RNASE3: variants seen among roughly 807,000 people sequenced by gnomAD.
RNASE3 encodes the protein eosinophil cationic protein.
For synonymous variants in RNASE3, 66 were observed against 72.0 expected, an observed-to-expected ratio of 0.92 and a Z score of 0.42; for missense variants, 192 against 205.3, an observed-to-expected ratio of 0.94 and a Z score of 0.40.
At chr14:20,891,476 G>A (rs937336549) in intron 1 of RNASE3, 25 bp downstream of exon 1, 41 of 628,818 alleles carry the variant, frequency 6.5e-5, no homozygotes, top group Middle Eastern at 4.4e-4. Flanking sequence ...CCCAGAGCTG[G>A]GACAGGAGGG....
At position 20,891,956 on chromosome 14, in the gene RNASE3, TCATAA is replaced by T; in HGVS notation, c.273_277del (p.His91GlnfsTer10). On this transcript the variant is annotated frameshift_variant, in exon 2 of 2. Coordinates refer to ENST00000304639, the MANE Select transcript of RNASE3 (RefSeq NM_002935.3). LOFTEE classifies it low-confidence loss of function (END_TRUNC). ...GTGGTAACCAAAGTATACGCTGCCC[TCATAA>T]CAGAACTCTCAACAATTGTCATCGG... The T allele has an allele frequency of 1.9e-6, 3 of 1,613,050 alleles. No individual in the cohort carries two copies. The highest frequency in any genetic ancestry group is 1.1e-5 in the South Asian group (1 of 91,066).
Position 20,891,827 on chromosome 14 carries a change from C to G in RNASE3, c.141C>G (p.Pro47=). ...CCATCCAGCACATCAGTCTGAACCC[C>G]CCTCGATGCACCATTGCAATGCGGG... The part of the protein sequence containing the change: ...WFAIQHISLN[P]PRCTIAMRAI... Residue 47 remains proline, a synonymous_variant, in exon 2 of 2, where the codon CCC becomes CCG. Transcript: ENST00000304639. 6.2e-7 allele frequency: 1 copy of G among 1,612,860 alleles called. No homozygotes were observed.
In RNASE3 at chr14:20,892,257, T is replaced by A. The variant is rs758007074; in HGVS notation, c.*88T>A. On this transcript the variant is annotated 3_prime_UTR_variant, in exon 2 of 2. Transcript: ENST00000304639. Reference sequence around the variant, plus strand: ...CCCATCCCTCCATGTACTCTGGGTATCAGCAACTGTCCTCATCAGTCTCCA... The same window carrying A: ...CCCATCCCTCCATGTACTCTGGGTAACAGCAACTGTCCTCATCAGTCTCCA... 3 of 1,516,988 alleles carry A rather than the reference T, an allele frequency of 2.0e-6. No homozygotes were observed. Among genetic ancestry groups the A allele is most frequent in the Non-Finnish European group, 2.7e-6 (3 of 1,127,838 alleles). 94.0% of individuals were successfully genotyped at this position (1,516,988 alleles called of 1,614,324 possible).
rs1179677470 is a variant in RNASE3, at chr14:20,891,901, G to A, written c.215G>A (p.Arg72His). 8.7e-6 allele frequency: 14 copies of A among 1,612,740 alleles called. No individual in the cohort carries two copies. Among genetic ancestry groups the A allele is most frequent in the South Asian group, 3.3e-5 (3 of 91,058 alleles). Residue 72 changes from arginine to histidine, a missense_variant, in exon 2 of 2, where the codon CGT (arginine) becomes CAT (histidine). Arg to His is a conservative substitution (Grantham distance 29). Coordinates refer to ENST00000304639, the MANE Select transcript of RNASE3 (RefSeq NM_002935.3). ...TGCAAAAACCAAAATACTTTTCTTC[G>A]TACAACTTTTGCTAATGTAGTTAAT... ...WRCKNQNTFL[R>H]TTFANVVNVC...
Position 20,892,067 on chromosome 14 carries a change from C to G in RNASE3, c.381C>G (p.Asp127Glu), listed in dbSNP as rs780969165. Residue 127 changes from aspartate to glutamate, a missense_variant, in exon 2 of 2, where the codon GAC (aspartate) becomes GAG (glutamate). Coordinates refer to ENST00000304639, the MANE Select transcript of RNASE3 (RefSeq NM_002935.3). ...AQNISNCTYA[D>E]RPGRRFYVVA... ...ATATTTCAAACTGCACGTATGCAGACAGACCAGGAAGGAGGTTCTATGTAG... is the reference window on the plus strand; with the variant it reads ...ATATTTCAAACTGCACGTATGCAGAGAGACCAGGAAGGAGGTTCTATGTAG... 1.9e-6 allele frequency: 3 copies of G among 1,612,620 alleles called. No homozygotes were observed. In the South Asian group the frequency reaches 3.3e-5, roughly 18 times the overall value.
In RNASE3 at chr14:20,891,785, G is replaced by A. The variant is rs759859690; in HGVS notation, c.99G>A (p.Thr33=). ...GSLHARPPQF[T]RAQWFAIQHI... ...TCCATGCCAGACCCCCACAGTTTAC[G>A]AGGGCTCAGTGGTTTGCCATCCAGC... The change falls in exon 2 of 2, where the codon ACG becomes ACA. Residue 33 remains threonine (T), a synonymous_variant. Transcript: ENST00000304639. The A allele has an allele frequency of 5.6e-6, 9 of 1,612,818 alleles. No homozygotes were observed. Among genetic ancestry groups the A allele is most frequent in the Non-Finnish European group, 7.6e-6 (9 of 1,180,022 alleles).
At position 20,892,248 on chromosome 14, in the gene RNASE3, C is replaced by T; in HGVS notation, c.*79C>T. On this transcript the variant is annotated 3_prime_UTR_variant, in exon 2 of 2. Transcript: ENST00000304639. ...AGCCAAGATCCCATCCCTCCATGTA[C>T]TCTGGGTATCAGCAACTGTCCTCAT... 1 of 1,534,456 alleles carries T rather than the reference C, an allele frequency of 6.5e-7. No individual in the cohort carries two copies. Among genetic ancestry groups the T allele is most frequent in the South Asian group, 1.3e-5 (1 of 77,512 alleles).
rs1329914370 is a variant in RNASE3, at chr14:20,891,403, G to C, written c.-54G>C. On this transcript the variant is annotated 5_prime_UTR_variant, in exon 1 of 2. Coordinates refer to ENST00000304639, the MANE Select transcript of RNASE3 (RefSeq NM_002935.3). Reference sequence around the variant, plus strand: ...GGAGACCAGCTGCCCCTGAACCCCAGAACAACCAGCTGGATCAGTTCTCAC... The same window carrying C: ...GGAGACCAGCTGCCCCTGAACCCCACAACAACCAGCTGGATCAGTTCTCAC... 1 of 464,728 alleles carries C rather than the reference G, an allele frequency of 2.2e-6. No individual in the cohort carries two copies. Among genetic ancestry groups the C allele is most frequent in the Admixed American group, 3.9e-5 (1 of 25,444 alleles). 28.8% of individuals were successfully genotyped at this position (464,728 alleles called of 1,614,324 possible).
chr14:20,891,739 T>G lies in RNASE3; in HGVS notation c.53T>G (p.Leu18Arg). The G allele has an allele frequency of 6.2e-7, 1 of 1,612,618 alleles. No individual in the cohort carries two copies. Among genetic ancestry groups the G allele is most frequent in the South Asian group, 1.1e-5 (1 of 91,044 alleles). Residue 18 changes from leucine (L) to arginine (R), a missense_variant, in exon 2 of 2, where the codon CTT becomes CGT. Coordinates refer to ENST00000304639, the MANE Select transcript of RNASE3 (RefSeq NM_002935.3). ...SQICLLLLLG[L>R]MGVEGSLHAR... ...ATTTGTCTGCTTCTTCTGTTGGGGC[T>G]TATGGGTGTGGAGGGCTCACTCCAT...
Position 20,891,750 on chromosome 14 carries a change from G to A in RNASE3, c.64G>A (p.Glu22Lys), listed in dbSNP as rs747737990. ...TCTTCTGTTGGGGCTTATGGGTGTG[G>A]AGGGCTCACTCCATGCCAGACCCCC... is the stretch of plus-strand genomic sequence containing the variant. ...LLLLLGLMGVEGSLHARPPQF... is the reference protein window; with the variant it reads ...LLLLLGLMGVKGSLHARPPQF... The change falls in exon 2 of 2, where the codon GAG becomes AAG. Residue 22 changes from glutamate (E) to lysine (K), a missense_variant. Transcript: ENST00000304639. 2.6e-5 allele frequency: 42 copies of A among 1,612,492 alleles called. No individual in the cohort carries two copies. In the South Asian group the frequency reaches 3.6e-4, roughly 14 times the overall value.
Position 20,892,162 on chromosome 14 carries a change from C to A in RNASE3, c.476C>A (p.Thr159Asn), listed in dbSNP as rs1414055301. 4 of 1,608,378 alleles carry A rather than the reference C, an allele frequency of 2.5e-6. No individual in the cohort carries two copies. Among genetic ancestry groups the A allele is most frequent in the Non-Finnish European group, 3.4e-6 (4 of 1,177,940 alleles). ...GTGGTTCCAGTTCACCTGGATACCA[C>A]CATCTAAGCTCCTGTATCAGCAGTC... ...YPVVPVHLDT[T>N]I Residue 159 changes from threonine to asparagine, a missense_variant, in exon 2 of 2, where the codon ACC becomes AAC. By Grantham distance (65) the Thr-to-Asn change is moderately conservative (BLOSUM62 0). Coordinates refer to ENST00000304639, the MANE Select transcript of RNASE3 (RefSeq NM_002935.3).
Position 20,891,717 on chromosome 14 carries a change from T to C in RNASE3, c.31T>C (p.Cys11Arg). 6.2e-7 allele frequency: 1 copy of C among 1,611,342 alleles called. No homozygotes were observed. Among genetic ancestry groups the C allele is most frequent in the Non-Finnish European group, 8.5e-7 (1 of 1,179,756 alleles). The change falls in exon 2 of 2, where the codon TGT becomes CGT. Residue 11 changes from cysteine to arginine, a missense_variant. Coordinates refer to ENST00000304639, the MANE Select transcript of RNASE3 (RefSeq NM_002935.3). ...TCCAAAACTGTTCACTTCCCAAATT[T>C]GTCTGCTTCTTCTGTTGGGGCTTAT... MVPKLFTSQICLLLLLGLMGV... is the reference protein window; with the variant it reads MVPKLFTSQIRLLLLLGLMGV...
rs771020920 is a variant in RNASE3, at chr14:20,892,082, G to A, written c.396G>A (p.Arg132=). The A allele has an allele frequency of 1.2e-6, 2 of 1,612,518 alleles. No individual in the cohort carries two copies. Among genetic ancestry groups the A allele is most frequent in the Non-Finnish European group, 1.7e-6 (2 of 1,179,994 alleles). ...CGTATGCAGACAGACCAGGAAGGAGGTTCTATGTAGTTGCATGTGACAACA... is the reference window on the plus strand; with the variant it reads ...CGTATGCAGACAGACCAGGAAGGAGATTCTATGTAGTTGCATGTGACAACA... The part of the protein sequence containing the change: ...NCTYADRPGR[R]FYVVACDNRD... Residue 132 remains arginine (R), a synonymous_variant, in exon 2 of 2, where the codon AGG becomes AGA. Transcript: ENST00000304639.
chr14:20,891,662 C>T lies in RNASE3; in HGVS notation c.-5-20C>T, dbSNP rs1489748120. On this transcript the variant is annotated intron_variant, in intron 1 of 1. Transcript: ENST00000304639. ...CCGAGACCGGATCGGGGAGTAGTTA[C>T]TTCTCTTCTTTTCTTACAGGAAACA... The T allele has an allele frequency of 6.3e-7, 1 of 1,598,262 alleles. No homozygotes were observed. Among genetic ancestry groups the T allele is most frequent in the East Asian group, 2.2e-5 (1 of 44,788 alleles).
Position 20,891,862 on chromosome 14 carries a change from A to G in RNASE3, c.176A>G (p.Asn59Ser). 1.2e-6 allele frequency: 2 copies of G among 1,612,916 alleles called. No individual in the cohort carries two copies. Among genetic ancestry groups the G allele is most frequent in the Middle Eastern group, 3.3e-4 (2 of 6,058 alleles). The change falls in exon 2 of 2, where the codon AAT (asparagine) becomes AGT (serine). Residue 59 changes from asparagine (N) to serine (S), a missense_variant. By Grantham distance (46) the Asn-to-Ser change is conservative (BLOSUM62 1). Coordinates refer to ENST00000304639, the MANE Select transcript of RNASE3 (RefSeq NM_002935.3). ...ACCATTGCAATGCGGGCAATTAACA[A>G]TTATCGATGGCGTTGCAAAAACCAA... ...RCTIAMRAIN[N>S]YRWRCKNQNT...
chr14:20,891,478 A>G, intron 1 of RNASE3, 27 bp downstream of exon 1: 2 of 633,472 alleles, frequency 3.2e-6, no homozygotes, highest in Non-Finnish European at 5.4e-6. Context: ...CAGAGCTGGG[A>G]CAGGAGGGGC....
rs1374528843 is a variant in RNASE3 at position 20,892,319 on chromosome 14, A to T, written c.*150A>T. 9.1e-7 allele frequency: 1 copy of T among 1,097,754 alleles called. No individual in the cohort carries two copies. Among genetic ancestry groups the T allele is most frequent in the East Asian group, 2.4e-5 (1 of 42,024 alleles). The allele number at this position is 1,097,754 out of a possible 1,614,324, so 68.0% of individuals were successfully genotyped here. A position where few individuals can be genotyped will look rare whatever the true frequency, so the allele number is the denominator to read the frequency against. ...CTTTCCTGAGCTGAAGTCCCTTGTG[A>T]ACCCTGCAATAAACTGCTTTGCAAA... On this transcript the variant is annotated 3_prime_UTR_variant, in exon 2 of 2. Transcript: ENST00000304639.
rs151107727 is a variant in RNASE3, at chr14:20,892,058, G to A, written c.372G>A (p.Thr124=). Residue 124 remains threonine (T), a synonymous_variant, in exon 2 of 2, where the codon ACG becomes ACA. Coordinates refer to ENST00000304639, the MANE Select transcript of RNASE3 (RefSeq NM_002935.3). The part of the protein sequence containing the change: ...NPGAQNISNC[T]YADRPGRRFY... ...GTGCACAGAATATTTCAAACTGCACGTATGCAGACAGACCAGGAAGGAGGT... is the reference window on the plus strand; with the variant it reads ...GTGCACAGAATATTTCAAACTGCACATATGCAGACAGACCAGGAAGGAGGT... 35 of 1,612,426 alleles carry A rather than the reference G, an allele frequency of 2.2e-5. No homozygotes were observed. The highest frequency in any genetic ancestry group is 1.6e-4 in the Middle Eastern group (1 of 6,080).
chr14:20,892,274 C>A lies in RNASE3; in HGVS notation c.*105C>A. 6.9e-7 allele frequency: 1 copy of A among 1,458,418 alleles called. No individual in the cohort carries two copies. Among genetic ancestry groups the A allele is most frequent in the Non-Finnish European group, 9.3e-7 (1 of 1,078,750 alleles). 90.3% of individuals were successfully genotyped at this position (1,458,418 alleles called of 1,614,324 possible). A position where few individuals can be genotyped will look rare whatever the true frequency, so the allele number is the denominator to read the frequency against. Reference sequence around the variant, plus strand: ...TCTGGGTATCAGCAACTGTCCTCATCAGTCTCCATACCCCTTCAGCTTTCC... The same window carrying A: ...TCTGGGTATCAGCAACTGTCCTCATAAGTCTCCATACCCCTTCAGCTTTCC... On this transcript the variant is annotated 3_prime_UTR_variant, in exon 2 of 2. Coordinates refer to ENST00000304639, the MANE Select transcript of RNASE3 (RefSeq NM_002935.3).
Sources: gnomAD v4.1 joint callset for allele counts on GRCh38, gnomAD v4.1.1 for gene constraint, MANE v1.5 for transcripts, NCBI Gene and HGNC (gene_info 2026-07-23, HGNC 2026-07-21) for gene names.